The following SCTR variants were observed in gnomAD, a reference collection of about 807,000 sequenced individuals.
SCTR encodes secretin receptor.
Under a neutral mutation model 60.8 loss-of-function variants are expected in SCTR, and 56 were observed. That is an observed-to-expected ratio of 0.92 (90% CI 0.74 to 1.15). SCTR has a LOEUF of 1.15. Among genes scored for constraint, SCTR ranks in the 50% most tolerant of loss-of-function variants. The probability of loss-of-function intolerance (pLI) is 0.00; values close to 1 mark genes in which losing one functional copy is unlikely to be tolerated. For synonymous variants in SCTR, 202 were observed against 217.0 expected (o/e 0.93, Z 0.61); for missense variants, 562 against 550.4 (o/e 1.02, Z -0.21).
At position 119,452,047 on chromosome 2, in the gene SCTR, CA is replaced by C; in HGVS notation, c.883del (p.Trp295GlyfsTer8). On this transcript the variant is annotated frameshift_variant, in exon 9 of 13. Coordinates refer to ENST00000019103, the MANE Select transcript of SCTR (RefSeq NM_002980.3). LOFTEE classifies it high-confidence loss of function. ...CWDINANASI[W>X]WIIRGPVILS... ...GATCACAGGACCACGAATGATCCAC[CA>C]GATGGATGCGTTGGCATTGATGTCC... 1 of 1,609,600 alleles carries C rather than the reference CA, an allele frequency of 6.2e-7. No homozygotes were observed. Among genetic ancestry groups the C allele is most frequent in the Non-Finnish European group, 8.5e-7 (1 of 1,177,536 alleles).
chr2:119,502,781 C>T (rs1356084760), intron 1 of SCTR, among the ~76,000 whole-genome samples: 8 of 147,402 alleles, frequency 5.4e-5, no homozygotes, highest in South Asian at 2.1e-4. Flanking sequence ...TGCTTGAGTC[C>T]GGGAGTTCAA....
intron 1 of SCTR, among the ~76,000 whole-genome samples, chr2:119,511,796 A>C (rs776436294): frequency 2.6e-5 from 4 of 152,224 alleles, no homozygotes; most frequent in African/African-American, 4.8e-5. Context: ...GAAAAAGTAC[A>C]TGGGGGTAAA....
At chr2:119,444,436 C>T (rs1218310177) in intron 11 of SCTR, among the ~76,000 whole-genome samples, 4 of 19,194 alleles carry the variant, frequency 2.1e-4, no homozygotes, top group South Asian at 2.1e-3. Flanking sequence ...TATGAATATA[C>T]ACATATATAT....
chr2:119,441,648 G>T, intron 11 of SCTR, 49 bp from the exon 12 acceptor site: 1 of 1,565,036 alleles, frequency 6.4e-7, no homozygotes, highest in Non-Finnish European at 8.8e-7. Flanking sequence ...CTCAGCATGC[G>T]GCCTGAACCA....
intron 10 of SCTR, among the ~76,000 whole-genome samples, chr2:119,448,308 T>C (rs1283221895): frequency 6.6e-6 from 1 of 152,240 alleles, no homozygotes; most frequent in Non-Finnish European, 1.5e-5. Flanking sequence ...TTAAGTGTTT[T>C]TGGATCACGC....
intron 3 of SCTR, among the ~76,000 whole-genome samples, chr2:119,473,833 C>G (rs956763975): frequency 6.6e-6 from 1 of 152,212 alleles, no homozygotes; most frequent in Non-Finnish European, 1.5e-5. Flanking sequence ...ATCCCAGGCC[C>G]TGCCACCGTT....
chr2:119,482,893 G>A (rs907750831), intron 2 of SCTR, among the ~76,000 whole-genome samples: 11 of 152,240 alleles, frequency 7.2e-5, no homozygotes, highest in Non-Finnish European at 4.4e-5. Context: ...GCCGTCTCAG[G>A]GTTGCAGCAG....
At position 119,460,578 on chromosome 2, in the gene SCTR, T is replaced by C. The variant is rs184603985; in HGVS notation, c.790+1269A>G. Among the ~76,000 whole-genome samples, 8 of 152,192 alleles carry C rather than the reference T, an allele frequency of 5.3e-5. No homozygotes were observed. In the East Asian group the frequency reaches 9.7e-4, roughly 18 times the overall value. Reference sequence around the variant, plus strand: ...TTACCATGTGAGTTGGTATGTTACGTTGTGTCTGTGAGCTGAGGTCTCTGA... The same window carrying C: ...TTACCATGTGAGTTGGTATGTTACGCTGTGTCTGTGAGCTGAGGTCTCTGA... On this transcript the variant is annotated intron_variant, in intron 7 of 12. Transcript: ENST00000019103.
intron 2 of SCTR, among the ~76,000 whole-genome samples, chr2:119,493,848 T>C (rs1245808497): frequency 6.6e-6 from 1 of 151,970 alleles, no homozygotes; most frequent in Admixed American, 6.5e-5. Flanking sequence ...ACCATATTGG[T>C]CAAGCTGGTC....
chr2:119,463,905 T>C (rs2253872), intron 6 of SCTR, among the ~76,000 whole-genome samples: 26,961 of 151,960 alleles, frequency 0.18, 2,542 homozygotes, highest in East Asian at 0.31. Context: ...GCAACCCCCA[T>C]GAGCTTCTCT....
intron 2 of SCTR, chr2:119,484,778 G>A (rs565956896): frequency 6.6e-6 from 1 of 152,308 alleles, no homozygotes; most frequent in East Asian, 1.9e-4. Flanking sequence ...AGGCCTCTGG[G>A]GGATGAAGAG....
At chr2:119,522,923 C>T (rs1293543808) in intron 1 of SCTR, among the ~76,000 whole-genome samples, 1 of 152,172 alleles carries the variant, frequency 6.6e-6, no homozygotes, top group Admixed American at 6.5e-5. Flanking sequence ...GGAGGCTCCA[C>T]GGTGGCAAGG....
chr2:119,446,740 C>A lies in SCTR; in HGVS notation c.1140+19G>T. The A allele has an allele frequency of 6.7e-7, 1 of 1,488,510 alleles. No homozygotes were observed. 92.2% of individuals were successfully genotyped at this position (1,488,510 alleles called of 1,614,324 possible). On this transcript the variant is annotated intron_variant, in intron 11 of 12. Transcript: ENST00000019103. ...AGAACTCCTCTTTTCAGCTGGCAGC[C>A]CCAGTCCTGGAAACTTACCTGGAAT...
chr2:119,507,025 A>C (rs2104930947), intron 1 of SCTR, among the ~76,000 whole-genome samples: 2 of 152,356 alleles, frequency 1.3e-5, no homozygotes, highest in Middle Eastern at 6.8e-3. Flanking sequence ...CAAAAGTTAC[A>C]AGAGATCTCT....
At chr2:119,443,349 A>T (rs185810669) in intron 11 of SCTR, among the ~76,000 whole-genome samples, 3 of 152,352 alleles carry the variant, frequency 2.0e-5, no homozygotes, top group African/African-American at 7.2e-5. Flanking sequence ...CATACACATC[A>T]TGATCCCAAT....
At chr2:119,506,754 A>T (rs1678752836) in intron 1 of SCTR, among the ~76,000 whole-genome samples, 1 of 152,160 alleles carries the variant, frequency 6.6e-6, no homozygotes. Context: ...GGGATTACAG[A>T]CACGAGCCAC....
chr2:119,460,562 G>A (rs1380179834), intron 7 of SCTR, among the ~76,000 whole-genome samples: 1 of 152,176 alleles, frequency 6.6e-6, no homozygotes, highest in Non-Finnish European at 1.5e-5. Context: ...TTTACCATGT[G>A]AGTTGGTATG....
At chr2:119,488,248 C>T (rs1181671922) in intron 2 of SCTR, among the ~76,000 whole-genome samples, 1 of 152,228 alleles carries the variant, frequency 6.6e-6, no homozygotes, top group Non-Finnish European at 1.5e-5. Context: ...GGGGGGCCAG[C>T]TGAGCCACCC....
intron 9 of SCTR, among the ~76,000 whole-genome samples, chr2:119,449,907 TATTTA>T (rs145175701): frequency 0.03 from 4,468 of 146,516 alleles, 224 homozygotes; most frequent in African/African-American, 0.11. Flanking sequence ...CTTAGAGTTG[TATTTA>T]ATTTAATAGG....
Sources: gnomAD v4.1 joint callset for allele counts (sites outside exome capture counted in the v4.1 genomes callset) on GRCh38, gnomAD v4.1.1 for gene constraint, MANE v1.5 for transcripts, NCBI Gene and HGNC (gene_info 2026-07-23, HGNC 2026-07-21) for gene names.